Variants in RGS22 observed in about 807,000 individuals in gnomAD.
RGS22 encodes regulator of G protein signaling 22.
In RGS22, 148 loss-of-function variants were observed where a neutral mutation model predicts 172.9. The ratio of observed to expected loss-of-function variants is 0.86; its 90% CI spans 0.75 to 0.98. RGS22 has a LOEUF of 0.98. Ranked by LOEUF, RGS22 falls within the 50% of genes least tolerant of loss-of-function variation. The probability of loss-of-function intolerance (pLI) is 0.00; values close to 1 mark genes in which losing one functional copy is unlikely to be tolerated. For missense variants in RGS22, 1,347 were observed against 1,440.8 expected (o/e 0.93, Z 1.05); for synonymous variants, 458 against 480.2 (o/e 0.95, Z 0.60).
At chr8:100,067,591 C>T (rs1232801146) in intron 6 of RGS22, among the ~76,000 whole-genome samples, 1 of 150,444 alleles carries the variant, frequency 6.6e-6, no homozygotes, top group Non-Finnish European at 1.5e-5. Context: ...CAGACTTTAA[C>T]ATCTTTAACA....
At chr8:100,099,104 CG>C (rs1430577626) in intron 2 of RGS22, among the ~76,000 whole-genome samples, 3 of 151,596 alleles carry the variant, frequency 2.0e-5, no homozygotes, top group Non-Finnish European at 4.4e-5. Flanking sequence ...TTAGTAGAGA[CG>C]GGGTTTCACC....
chr8:100,005,824 T>C lies in RGS22; in HGVS notation c.2454+193A>G, dbSNP rs796785285. ...ACCAAATACCTCATCTGCTTTGTTTTTCTGGCTCTCTTGTCAAATATGTCA... is the reference window on the plus strand; with the variant it reads ...ACCAAATACCTCATCTGCTTTGTTTCTCTGGCTCTCTTGTCAAATATGTCA... On this transcript the variant is annotated intron_variant, in intron 16 of 27. Transcript: ENST00000360863. Among the ~76,000 whole-genome samples the C allele has an allele frequency of 1.3e-4, 20 of 152,302 alleles. 1 individual carries two copies. The highest frequency in any genetic ancestry group is 4.6e-4 in the African/African-American group (19 of 41,568).
chr8:100,025,698 G>A (rs1818101108), intron 14 of RGS22, among the ~76,000 whole-genome samples: 1 of 152,150 alleles, frequency 6.6e-6, no homozygotes, highest in African/African-American at 2.4e-5. Context: ...GTGAGCAAAG[G>A]AAAAATAAAG....
intron 12 of RGS22, among the ~76,000 whole-genome samples, chr8:100,040,768 T>C (rs889147802): frequency 1.3e-5 from 2 of 152,214 alleles, no homozygotes; most frequent in Admixed American, 6.5e-5. Context: ...ATATGTTTTA[T>C]AGAACTCATA....
At chr8:99,998,337 A>T (rs1814612777) in intron 19 of RGS22, among the ~76,000 whole-genome samples, 1 of 152,214 alleles carries the variant, frequency 6.6e-6, no homozygotes, top group South Asian at 2.1e-4. Context: ...TGACCAACTC[A>T]ATTTTTCAAA....
intron 20 of RGS22, among the ~76,000 whole-genome samples, chr8:99,987,853 T>C (rs1281889286): frequency 6.6e-6 from 1 of 152,146 alleles, no homozygotes; most frequent in Non-Finnish European, 1.5e-5. Flanking sequence ...CTACAATGTT[T>C]AAAAATGTTA....
At position 100,047,571 on chromosome 8, in the gene RGS22, G is replaced by A. The variant is rs757225127; in HGVS notation, c.1715C>T (p.Pro572Leu). 2.5e-6 allele frequency: 4 copies of A among 1,610,158 alleles called. No homozygotes were observed. Among genetic ancestry groups the A allele is most frequent in the African/African-American group, 1.3e-5 (1 of 74,770 alleles). Residue 572 changes from proline (P) to leucine (L), a missense_variant, in exon 11 of 28, where the codon CCT becomes CTT. Pro to Leu is a moderately conservative substitution (Grantham distance 98). Coordinates refer to ENST00000360863, the MANE Select transcript of RGS22 (RefSeq NM_015668.5). ...AGGTGATTTATTGGGAGATTTAGGA[G>A]GTTGTGATAAGCTGAATTCTTCTTT... ...IQKEEFSLSQ[P>L]PKSPNKSPEV...
At chr8:99,993,276 C>A (rs913137001) in intron 20 of RGS22, among the ~76,000 whole-genome samples, 1 of 152,090 alleles carries the variant, frequency 6.6e-6, no homozygotes, top group South Asian at 2.1e-4. Flanking sequence ...CAGAGCAGAA[C>A]TGAAAGAGAT....
Position 100,004,104 on chromosome 8 carries a change from G to A in RGS22, c.2455-6C>T. 1 of 1,582,660 alleles carries A rather than the reference G, an allele frequency of 6.3e-7. No individual in the cohort carries two copies. Among genetic ancestry groups the A allele is most frequent in the Non-Finnish European group, 8.6e-7 (1 of 1,164,032 alleles). On this transcript the variant is annotated splice_region_variant and splice_polypyrimidine_tract_variant and intron_variant, in intron 16 of 27. Coordinates refer to ENST00000360863, the MANE Select transcript of RGS22 (RefSeq NM_015668.5). Reference sequence around the variant, plus strand: ...CCAATTTCACAAGTGGTGTCCTAGTGAAATAGTACTTTTCAGCAAAAATCT... The same window carrying A: ...CCAATTTCACAAGTGGTGTCCTAGTAAAATAGTACTTTTCAGCAAAAATCT...
At chr8:100,000,985 TTTA>T (rs1169844210) in intron 18 of RGS22, among the ~76,000 whole-genome samples, 1 of 151,794 alleles carries the variant, frequency 6.6e-6, no homozygotes, top group Non-Finnish European at 1.5e-5. Flanking sequence ...AAATTTGTAT[TTTA>T]TTAATATATA....
intron 24 of RGS22, among the ~76,000 whole-genome samples, chr8:99,963,338 G>A (rs984372215): frequency 2.0e-5 from 3 of 152,120 alleles, no homozygotes; most frequent in Admixed American, 1.3e-4. Context: ...GTTTCTCAGT[G>A]AATCAATGTC....
At chr8:100,053,446 AAGGGAGGGAGGGAGAG>A (rs1216733562) in intron 9 of RGS22, among the ~76,000 whole-genome samples, 1 of 108,814 alleles carries the variant, frequency 9.2e-6, no homozygotes, top group African/African-American at 3.7e-5. Context: ...GGAAGGAAGG[AAGGGAGGGAGGGAGAG>A]AGGGAGGGAG....
intron 22 of RGS22, among the ~76,000 whole-genome samples, chr8:99,980,382 G>A (rs1812425483): frequency 6.6e-6 from 1 of 152,200 alleles, no homozygotes; most frequent in Admixed American, 6.5e-5. Flanking sequence ...CAGATCTAAA[G>A]TGAGGTAGTT....
intron 1 of RGS22, chr8:100,105,609 T>G (rs1813874379): frequency 1.7e-6 from 1 of 605,760 alleles, no homozygotes; most frequent in African/African-American, 1.9e-5. Flanking sequence ...GAATCCTGCC[T>G]GGTCACTAAT....
intron 22 of RGS22, among the ~76,000 whole-genome samples, chr8:99,980,238 T>C (rs151098582): frequency 3.3e-5 from 5 of 152,238 alleles, no homozygotes; most frequent in East Asian, 1.9e-4. Flanking sequence ...TGCACCGGAA[T>C]TGAAATATTT....
At chr8:99,984,536 C>T (rs761126280) in intron 21 of RGS22, among the ~76,000 whole-genome samples, 2 of 152,010 alleles carry the variant, frequency 1.3e-5, no homozygotes, top group African/African-American at 4.8e-5. Context: ...CTCTAGTAAG[C>T]TTTCTGTGAC....
At chr8:100,091,998 CAGAG>C (rs748140481) in intron 3 of RGS22, 1 of 152,098 alleles carries the variant, frequency 6.6e-6, no homozygotes, top group African/African-American at 2.4e-5. Flanking sequence ...CTATGCCCAA[CAGAG>C]AGAGTACAAA....
At chr8:100,012,709 T>C (rs1202737830) in intron 14 of RGS22, among the ~76,000 whole-genome samples, 1 of 152,050 alleles carries the variant, frequency 6.6e-6, no homozygotes, top group East Asian at 1.9e-4. Flanking sequence ...ATTATCAAAT[T>C]AACAACATTT....
At chr8:100,049,818 C>A (rs548333069) in intron 10 of RGS22, among the ~76,000 whole-genome samples, 3 of 152,028 alleles carry the variant, frequency 2.0e-5, no homozygotes, top group Admixed American at 1.3e-4. Context: ...GAGGCCAAGG[C>A]GGGCAGATCA....
Sources: allele counts gnomAD v4.1 joint callset (sites outside exome capture counted in the v4.1 genomes callset), GRCh38; gene constraint gnomAD v4.1.1; transcripts MANE v1.5; gene names NCBI Gene and HGNC (gene_info 2026-07-23, HGNC 2026-07-21).